C12orf42: variants seen among roughly 807,000 people sequenced by gnomAD.
C12orf42 encodes the protein chromosome 12 open reading frame 42.
Under a neutral mutation model 21.6 loss-of-function variants are expected in C12orf42, and 25 were observed. That is an observed-to-expected ratio of 1.16 (90% CI 0.84 to 1.62). C12orf42 has a LOEUF of 1.62. C12orf42 is among the 40% of genes most tolerant of loss of function. The pLI is 0.00. For missense variants in C12orf42, 483 were observed against 459.3 expected (o/e 1.05, Z -0.47); for synonymous variants, 174 against 175.0 (o/e 0.99, Z 0.05).
chr12:103,283,328 T>C (rs1183856421), intron 4 of C12orf42, among the ~76,000 whole-genome samples: 4 of 152,224 alleles, frequency 2.6e-5, no homozygotes, highest in Non-Finnish European at 5.9e-5. Flanking sequence ...ATCACTTCTC[T>C]GGACCACAGT....
the C12orf42 span, among the ~76,000 whole-genome samples, chr12:103,528,643 C>T: frequency 6.6e-6 from 1 of 152,222 alleles, no homozygotes. Context: ...CTCCCCTTCG[C>T]CTTCTGCCAT....
At chr12:103,502,251 A>G in the C12orf42 span, among the ~76,000 whole-genome samples, 1 of 151,938 alleles carries the variant, frequency 6.6e-6, no homozygotes. Flanking sequence ...TCATCCTTCC[A>G]TTTCATTTTA....
At chr12:103,529,672 T>C in the C12orf42 span, among the ~76,000 whole-genome samples, 2 of 152,218 alleles carry the variant, frequency 1.3e-5, no homozygotes, top group East Asian at 1.9e-4. Flanking sequence ...GTATGAGTTC[T>C]GCTCTTCAGA....
At chr12:103,526,399 T>C in the C12orf42 span, among the ~76,000 whole-genome samples, 6 of 152,204 alleles carry the variant, frequency 3.9e-5, no homozygotes, top group Admixed American at 6.5e-5. Context: ...CTGGTTTTAG[T>C]TGATAGAGTG....
intron 2 of C12orf42, among the ~76,000 whole-genome samples, chr12:103,442,959 T>C (rs1167079730): frequency 6.6e-6 from 1 of 152,146 alleles, no homozygotes; most frequent in Admixed American, 6.6e-5. Context: ...TTCTGAGAAC[T>C]AAGTAGTAAA....
the C12orf42 span, among the ~76,000 whole-genome samples, chr12:103,206,325 T>A: frequency 6.6e-6 from 1 of 152,196 alleles, no homozygotes; most frequent in Non-Finnish European, 1.5e-5. Context: ...CTGCCTGCAA[T>A]TTCCAACTTA....
At chr12:103,070,404 A>G in the C12orf42 span, among the ~76,000 whole-genome samples, 1 of 152,038 alleles carries the variant, frequency 6.6e-6, no homozygotes, top group African/African-American at 2.4e-5. Context: ...TCCTTCAGGT[A>G]GAAAGGAGAG....
chr12:103,294,380 GA>G (rs2037013032), intron 4 of C12orf42, among the ~76,000 whole-genome samples: 1 of 102,288 alleles, frequency 9.8e-6, no homozygotes. Context: ...AGAGAAAGAA[GA>G]AAGAAGAAAA....
At chr12:103,074,859 G>C in the C12orf42 span, among the ~76,000 whole-genome samples, 1 of 152,196 alleles carries the variant, frequency 6.6e-6, no homozygotes, top group Non-Finnish European at 1.5e-5. Context: ...GCTGAGGTGG[G>C]TGGATTGCTT....
chr12:103,087,247 C>T, the C12orf42 span, among the ~76,000 whole-genome samples: 4 of 152,252 alleles, frequency 2.6e-5, no homozygotes, highest in Non-Finnish European at 5.9e-5. Flanking sequence ...AAAATTTAAG[C>T]ATGTTCATTC....
the C12orf42 span, among the ~76,000 whole-genome samples, chr12:103,542,974 T>A: frequency 6.6e-6 from 1 of 152,222 alleles, no homozygotes; most frequent in Admixed American, 6.5e-5. Context: ...TGCTTGGGTT[T>A]GGGGTGATGT....
chr12:103,494,071 A>G (rs926225806), intron 1 of C12orf42, among the ~76,000 whole-genome samples: 1 of 152,198 alleles, frequency 6.6e-6, no homozygotes, highest in Non-Finnish European at 1.5e-5. Context: ...TTCTCATTGT[A>G]AGTTTGCATA....
chr12:103,276,945 T>C (rs949588373), intron 5 of C12orf42, among the ~76,000 whole-genome samples: 1 of 152,222 alleles, frequency 6.6e-6, no homozygotes, highest in Non-Finnish European at 1.5e-5. Flanking sequence ...AGATTAGTGC[T>C]AGTTTTTGAA....
intron 4 of C12orf42, among the ~76,000 whole-genome samples, chr12:103,337,218 A>G (rs1427064108): frequency 6.6e-6 from 1 of 152,218 alleles, no homozygotes; most frequent in Admixed American, 6.5e-5. Context: ...CTCATGTGCT[A>G]TCTGCCCCTT....
chr12:103,452,214 A>C (rs1188525852), intron 2 of C12orf42, among the ~76,000 whole-genome samples: 1 of 151,950 alleles, frequency 6.6e-6, no homozygotes, highest in African/African-American at 2.4e-5. Flanking sequence ...CAGGTTTTTC[A>C]CATCTAATAG....
the C12orf42 span, among the ~76,000 whole-genome samples, chr12:103,501,353 C>T: frequency 3.9e-5 from 6 of 152,286 alleles, no homozygotes; most frequent in South Asian, 2.1e-4. Flanking sequence ...AAAAGTGTGC[C>T]GTTCTCTTTC....
intron 4 of C12orf42, among the ~76,000 whole-genome samples, chr12:103,346,406 T>G (rs1300629025): frequency 1.3e-5 from 2 of 152,208 alleles, no homozygotes; most frequent in African/African-American, 2.4e-5. Context: ...TTATTTTTAA[T>G]TTATTTTTAA....
chr12:103,506,837 ATATATATATATATTTATATAT>A, the C12orf42 span, among the ~76,000 whole-genome samples: 13 of 45,332 alleles, frequency 2.9e-4, no homozygotes, highest in Non-Finnish European at 3.4e-4. Context: ...TTTATATATT[ATATATATATATATTTATATAT>A]TATATATATA....
intron 2 of C12orf42, among the ~76,000 whole-genome samples, chr12:103,476,530 T>C (rs1049115098): frequency 3.3e-5 from 5 of 152,202 alleles, no homozygotes; most frequent in Non-Finnish European, 5.9e-5. Flanking sequence ...CATATATCCA[T>C]CCTGATAGCC....
Sources: allele counts gnomAD v4.1 joint callset (sites outside exome capture counted in the v4.1 genomes callset), GRCh38; gene constraint gnomAD v4.1.1; transcripts MANE v1.5; gene names NCBI Gene and HGNC (gene_info 2026-07-23, HGNC 2026-07-21).